ARHGAP23: variants seen among roughly 807,000 people sequenced by gnomAD.
ARHGAP23 encodes Rho GTPase activating protein 23.
A neutral mutation model predicts 136.3 loss-of-function variants in ARHGAP23; 34 were observed. The ratio of observed to expected loss-of-function variants is 0.25; its 90% CI spans 0.19 to 0.33. The LOEUF (loss-of-function observed/expected upper bound fraction) is 0.33, where lower values mean the gene tolerates loss of function less well. Ranked by LOEUF, ARHGAP23 falls within the 10% of genes least tolerant of loss-of-function variation. The pLI, the probability that ARHGAP23 is intolerant of heterozygous loss-of-function variation, is 1.00. For synonymous variants in ARHGAP23, 832 were observed against 920.5 expected, an observed-to-expected ratio of 0.90 and a Z score of 1.74; for missense variants, 1,808 against 2,139.0, an observed-to-expected ratio of 0.85 and a Z score of 3.05.
rs919458403 is a variant in ARHGAP23 at position 38,471,911 on chromosome 17, C to T, written c.2023C>T (p.Arg675Ter). The change falls in exon 11 of 24, where the codon CGA (arginine) becomes TGA (stop). Residue 675 changes from arginine to a stop codon, truncating the protein, a stop_gained. Coordinates refer to ENST00000622683, the MANE Select transcript of ARHGAP23 (RefSeq NM_001199417.2). LOFTEE classifies it high-confidence loss of function. ...TSEDADAPSK[R>*]HSTSDLSDAT... The stretch of plus-strand genomic sequence containing the variant: ...TGAAGATGCTGACGCTCCTTCTAAG[C>T]GACACTCAACCTCTGACCTCTCAGA... The T allele has an allele frequency of 1.9e-6, 3 of 1,549,242 alleles. No homozygotes were observed. Among genetic ancestry groups the T allele is most frequent in the Non-Finnish European group, 2.6e-6 (3 of 1,146,680 alleles).
At chr17:38,448,095 AGGGCCCATAAGGTAGTGCTCT>A (rs1421511794) in intron 1 of ARHGAP23, among the ~76,000 whole-genome samples, 2 of 152,066 alleles carry the variant, frequency 1.3e-5, no homozygotes, top group African/African-American at 4.8e-5. Flanking sequence ...CTACTCCCAG[AGGGCCCATAAGGTAGTGCTCT>A]GGGCTTGCCA....
chr17:38,484,203 A>T (rs1343937279), intron 16 of ARHGAP23, among the ~76,000 whole-genome samples: 2 of 151,810 alleles, frequency 1.3e-5, no homozygotes, highest in African/African-American at 4.8e-5. Context: ...AAGGGGGAGG[A>T]TGGGAGCAAC....
intron 1 of ARHGAP23, among the ~76,000 whole-genome samples, chr17:38,434,230 G>A (rs2038743911): frequency 6.6e-6 from 1 of 152,246 alleles, no homozygotes; most frequent in Non-Finnish European, 1.5e-5. Flanking sequence ...TCTCCTGGAG[G>A]AGGAGCCAGG....
chr17:38,489,252 T>C (rs2144746902), intron 17 of ARHGAP23, among the ~76,000 whole-genome samples: 1 of 152,366 alleles, frequency 6.6e-6, no homozygotes. Context: ...ATGTTTAGGA[T>C]GGCCTTAGGA....
chr17:38,479,951 G>T (rs573369945), intron 14 of ARHGAP23, 68 bp downstream of exon 14: 3 of 1,524,598 alleles, frequency 2.0e-6, no homozygotes, highest in East Asian at 4.9e-5. Flanking sequence ...GAGGGCACGC[G>T]TGTGTGTGTT....
In ARHGAP23 at chr17:38,510,634, G is replaced by A. The variant is rs1348634627; in HGVS notation, c.4138G>A (p.Ala1380Thr). The A allele has an allele frequency of 2.2e-6, 3 of 1,358,142 alleles. No individual in the cohort carries two copies. Among genetic ancestry groups the A allele is most frequent in the East Asian group, 6.2e-5 (2 of 32,086 alleles). The allele number at this position is 1,358,142 out of a possible 1,614,324, so 84.1% of individuals were successfully genotyped here. The change falls in exon 24 of 24, where the codon GCG becomes ACG. Residue 1380 changes from alanine to threonine, a missense_variant. Transcript: ENST00000622683. This position sits in a 1 kb window ranked among gnomAD's most constrained non-coding sequence, Gnocchi z 4.6. The part of the protein sequence containing the change: ...EALRLRLRGT[A>T]DDMLAVRLRR... ...GCTGCGTCTAAGGCTCCGCGGCACG[G>A]CGGACGACATGCTCGCCGTGCGCCT...
chr17:38,449,413 G>A (rs920789957), intron 1 of ARHGAP23, among the ~76,000 whole-genome samples: 4 of 152,242 alleles, frequency 2.6e-5, no homozygotes, highest in South Asian at 4.1e-4. Flanking sequence ...CATGGAGGGC[G>A]CTGCGGAGAC....
In ARHGAP23 at chr17:38,510,784, C is replaced by T. The variant is rs1022033643; in HGVS notation, c.4288C>T (p.Pro1430Ser). Residue 1430 changes from proline to serine, a missense_variant, in exon 24 of 24, where the codon CCC becomes TCC. Transcript: ENST00000622683. This position sits in a 1 kb window ranked among gnomAD's most constrained non-coding sequence, Gnocchi z 4.6. ...GTGGAAGGAGCTGGGCGGAGGGGGCCCCCCGGAGCCTGCGGGCGCGCGGGC... is the reference window on the plus strand; with the variant it reads ...GTGGAAGGAGCTGGGCGGAGGGGGCTCCCCGGAGCCTGCGGGCGCGCGGGC... The part of the protein sequence containing the change: ...NEWKELGGGG[P>S]PEPAGARAHS... The T allele has an allele frequency of 2.0e-4, 306 of 1,499,996 alleles. No individual in the cohort carries two copies. The highest frequency in any genetic ancestry group is 2.6e-4 in the Non-Finnish European group (293 of 1,127,192). 92.9% of individuals were successfully genotyped at this position (1,499,996 alleles called of 1,614,324 possible). A position where few individuals can be genotyped will look rare whatever the true frequency, so the allele number is the denominator to read the frequency against.
Position 38,477,175 on chromosome 17 carries a change from C to G in ARHGAP23, c.2119-404C>G, listed in dbSNP as rs573443530. Among the ~76,000 whole-genome samples the G allele has an allele frequency of 5.9e-5, 9 of 151,862 alleles. No individual in the cohort carries two copies. The highest frequency in any genetic ancestry group is 2.0e-4 in the Admixed American group (3 of 15,252). ...TGGGGAGAACAACCCTCTAAGAGTG[C>G]GGACGGCTTCTGAGCAGGTTTGCTG... is the stretch of plus-strand genomic sequence containing the variant. On this transcript the variant is annotated intron_variant, in intron 11 of 23. Transcript: ENST00000622683. The surrounding 1 kb of genome is among the most constrained non-coding windows in gnomAD (Gnocchi z 6.6).
rs1171995054 is a variant in ARHGAP23, at chr17:38,512,146, T to C, written c.*1174T>C. On this transcript the variant is annotated 3_prime_UTR_variant, in exon 24 of 24. Transcript: ENST00000622683. Reference sequence around the variant, plus strand: ...CCCTCCCTCCCCCATTCTTTTATTGTAAATATTGTCTCTAAATGTGTAACA... The same window carrying C: ...CCCTCCCTCCCCCATTCTTTTATTGCAAATATTGTCTCTAAATGTGTAACA... 6.6e-6 allele frequency: 1 copy of C among 152,266 alleles called. No homozygotes were observed. The highest frequency in any genetic ancestry group is 2.4e-5 in the African/African-American group (1 of 41,484). 9.4% of individuals were successfully genotyped at this position (152,266 alleles called of 1,614,324 possible).
rs987588615 is a variant in ARHGAP23, at chr17:38,437,311, G to A, written c.63+8763G>A. On this transcript the variant is annotated intron_variant, in intron 1 of 23. Coordinates refer to ENST00000622683, the MANE Select transcript of ARHGAP23 (RefSeq NM_001199417.2). The stretch of plus-strand genomic sequence containing the variant: ...CATGCTTGGCTAATTTTTTTGTAGC[G>A]ATGGGGGTCTCCCTATATTGCCTAG... 6.6e-5 allele frequency among the ~76,000 whole-genome samples: 10 copies of A among 151,792 alleles called. No individual in the cohort carries two copies. The East Asian group carries it at 1.6e-3, about 24-fold the overall frequency.
Position 38,454,837 on chromosome 17 carries a change from C to T in ARHGAP23, c.64-3265C>T, listed in dbSNP as rs1036314940. Among the ~76,000 whole-genome samples the T allele has an allele frequency of 3.9e-5, 6 of 152,344 alleles. No homozygotes were observed. In the South Asian group the frequency reaches 8.3e-4, roughly 21 times the overall value. ...AGTTTCTGGTGCTGCCAACCCACCA[C>T]GTGTCCACCTCTGCCTAATTTGTGG... On this transcript the variant is annotated intron_variant, in intron 1 of 23. Coordinates refer to ENST00000622683, the MANE Select transcript of ARHGAP23 (RefSeq NM_001199417.2).
chr17:38,504,889 T>C (rs1343190632), intron 23 of ARHGAP23, among the ~76,000 whole-genome samples: 1 of 144,900 alleles, frequency 6.9e-6, no homozygotes, highest in Admixed American at 7.2e-5. Flanking sequence ...CTGTCCCGGG[T>C]AGGAGTGTGG....
intron 1 of ARHGAP23, among the ~76,000 whole-genome samples, chr17:38,444,769 A>T (rs1181056011): frequency 6.6e-6 from 1 of 151,292 alleles, no homozygotes; most frequent in Non-Finnish European, 1.5e-5. Context: ...GTGGGCAGAG[A>T]CTTCTCCTGG....
chr17:38,447,174 G>A (rs1470528170), intron 1 of ARHGAP23, among the ~76,000 whole-genome samples: 8 of 152,078 alleles, frequency 5.3e-5, no homozygotes, highest in Non-Finnish European at 4.4e-5. Flanking sequence ...GGGCATGGTG[G>A]CTCATGCCTG....
chr17:38,458,077 A>C (rs1291737454), intron 1 of ARHGAP23, 25 bp from the exon 2 acceptor site: 1 of 1,535,638 alleles, frequency 6.5e-7, no homozygotes, highest in Admixed American at 2.0e-5. Flanking sequence ...ACGGGCGCTC[A>C]GCCTGGCCTC....
chr17:38,510,733 C>G lies in ARHGAP23; in HGVS notation c.4237C>G (p.Pro1413Ala), dbSNP rs759889898. Residue 1413 changes from proline (P) to alanine (A), a missense_variant, in exon 24 of 24, where the codon CCG becomes GCG. Around this residue, in one of 7 missense-constraint regions of ARHGAP23, gnomAD observed 506 missense variants for 455.8 expected, o/e 1.11. Coordinates refer to ENST00000622683, the MANE Select transcript of ARHGAP23 (RefSeq NM_001199417.2). The surrounding 1 kb of genome is among the most constrained non-coding windows in gnomAD (Gnocchi z 4.6). ...WRRHTVVVQS[P>A]LTDLNFNEWK... ...CCGCCACACCGTGGTGGTGCAGAGCCCGCTGACTGACCTCAACTTCAACGA... is the reference window on the plus strand; with the variant it reads ...CCGCCACACCGTGGTGGTGCAGAGCGCGCTGACTGACCTCAACTTCAACGA... The G allele has an allele frequency of 3.4e-6, 5 of 1,479,306 alleles. No homozygotes were observed. In the South Asian group the frequency reaches 3.9e-5, roughly 12 times the overall value. The allele number at this position is 1,479,306 out of a possible 1,614,324, so 91.6% of individuals were successfully genotyped here. A position where few individuals can be genotyped will look rare whatever the true frequency, so the allele number is the denominator to read the frequency against.
At chr17:38,479,054 C>G (rs1166196414) in intron 12 of ARHGAP23, among the ~76,000 whole-genome samples, 1 of 152,184 alleles carries the variant, frequency 6.6e-6, no homozygotes, top group Admixed American at 6.5e-5. Context: ...TCTTGGCTGT[C>G]CCCAACAAGG....
chr17:38,468,755 C>T (rs1309681004), intron 7 of ARHGAP23, among the ~76,000 whole-genome samples: 1 of 152,156 alleles, frequency 6.6e-6, no homozygotes, highest in African/African-American at 2.4e-5. Flanking sequence ...AGCTCTCAGT[C>T]TGATGGGGAA....
Sources: gnomAD v4.1 joint callset for allele counts (sites outside exome capture counted in the v4.1 genomes callset) on GRCh38, gnomAD v4.1.1 for gene constraint, gnomAD v4.1.1 regional missense constraint, Gnocchi (gnomAD v3.1) non-coding constraint, MANE v1.5 for transcripts, NCBI Gene and HGNC (gene_info 2026-07-23, HGNC 2026-07-21) for gene names.